ACTR3C: variants seen among roughly 807,000 people sequenced by gnomAD.
ACTR3C encodes actin related protein 3C.
A neutral mutation model predicts 26.3 loss-of-function variants in ACTR3C; 18 were observed. That is an observed-to-expected ratio of 0.68 (90% CI 0.47 to 1.01). The LOEUF is 1.01. Ranked by LOEUF, ACTR3C falls within the 50% of genes least tolerant of loss-of-function variation. The pLI is 0.00. For synonymous variants in ACTR3C, 55 were observed against 94.5 expected, an observed-to-expected ratio of 0.58 and a Z score of 2.42; for missense variants, 184 against 250.7, an observed-to-expected ratio of 0.73 and a Z score of 1.80.
At chr7:150,199,725 C>CAAAAAAAAAAAAAAAAAAA in the ACTR3C span, among the ~76,000 whole-genome samples, 1 of 86,082 alleles carries the variant, frequency 1.2e-5, no homozygotes. Context: ...ATATTTTTAT[C>CAAAAAAAAAAAAAAAAAAA]AAAAAAAAAA....
intron 1 of ACTR3C, among the ~76,000 whole-genome samples, chr7:150,303,353 A>G (rs542343353): frequency 7.4e-4 from 113 of 152,324 alleles, no homozygotes; most frequent in African/African-American, 2.6e-3. Context: ...TATTCAAGAC[A>G]CTAGAGTAGA....
At chr7:150,190,511 G>T in the ACTR3C span, among the ~76,000 whole-genome samples, 3 of 152,138 alleles carry the variant, frequency 2.0e-5, no homozygotes, top group Admixed American at 2.0e-4. Context: ...ATTTACACGT[G>T]AGTCTATAAT....
chr7:150,001,166 G>A, the ACTR3C span: 8 of 152,518 alleles, frequency 5.2e-5, no homozygotes, highest in African/African-American at 1.7e-4. Flanking sequence ...CTCTTGCTTT[G>A]GCTCTTGTCG....
At chr7:150,099,565 T>C in the ACTR3C span, among the ~76,000 whole-genome samples, 29 of 151,712 alleles carry the variant, frequency 1.9e-4, no homozygotes, top group East Asian at 2.7e-3. Flanking sequence ...GCCTCACTGC[T>C]GGGCTGATCT....
At chr7:150,180,302 A>G in the ACTR3C span, among the ~76,000 whole-genome samples, 1 of 149,962 alleles carries the variant, frequency 6.7e-6, no homozygotes. Flanking sequence ...GAGACTCCAT[A>G]TTAAAAAACA....
rs181020284 is a variant in ACTR3C at position 150,293,747 on chromosome 7, G to A, written c.46-328C>T. On this transcript the variant is annotated intron_variant, in intron 2 of 7. Transcript: ENST00000683684. ...ACCCAAGAGTTCGAGACCAGCCTGG[G>A]CAACATGGTGAAACCCCATCTCTAC... Among the ~76,000 whole-genome samples, 206 of 152,254 alleles carry A rather than the reference G, an allele frequency of 1.4e-3. 1 individual carries two copies. The highest frequency in any genetic ancestry group is 4.6e-3 in the African/African-American group (193 of 41,538).
the ACTR3C span, among the ~76,000 whole-genome samples, chr7:149,966,923 G>A: frequency 1.3e-5 from 2 of 150,900 alleles, no homozygotes; most frequent in Non-Finnish European, 1.5e-5. Flanking sequence ...GTGCAATGGC[G>A]TGATCTCGGC....
At chr7:150,202,835 T>C in the ACTR3C span, among the ~76,000 whole-genome samples, 1 of 152,212 alleles carries the variant, frequency 6.6e-6, no homozygotes, top group African/African-American at 2.4e-5. Flanking sequence ...AATGGCCACA[T>C]AGCAAAAGTA....
chr7:150,172,935 T>C, the ACTR3C span, among the ~76,000 whole-genome samples: 1 of 149,434 alleles, frequency 6.7e-6, no homozygotes, highest in Non-Finnish European at 1.5e-5. Context: ...ATGCAAGAGG[T>C]GGGTTCCCAT....
At chr7:149,918,424 C>G in the ACTR3C span, among the ~76,000 whole-genome samples, 1 of 152,226 alleles carries the variant, frequency 6.6e-6, no homozygotes, top group African/African-American at 2.4e-5. Flanking sequence ...GGCGCAGTGG[C>G]TCACACCTGT....
chr7:150,141,219 A>C, the ACTR3C span, among the ~76,000 whole-genome samples: 2 of 152,244 alleles, frequency 1.3e-5, no homozygotes, highest in African/African-American at 4.8e-5. Flanking sequence ...GAAAAAGTTC[A>C]CAATTTGGCT....
chr7:150,102,607 C>T, the ACTR3C span, among the ~76,000 whole-genome samples: 1 of 152,076 alleles, frequency 6.6e-6, no homozygotes, highest in South Asian at 2.1e-4. Context: ...TTCTCACAGT[C>T]GGTGACTCGG....
intron 1 of ACTR3C, among the ~76,000 whole-genome samples, chr7:150,310,278 G>A (rs146458344): frequency 2.6e-5 from 4 of 152,040 alleles, no homozygotes; most frequent in East Asian, 3.9e-4. Flanking sequence ...TCTGGCAACC[G>A]ACCATGCACC....
the ACTR3C span, among the ~76,000 whole-genome samples, chr7:150,161,272 T>A: frequency 7.0e-6 from 1 of 143,194 alleles, no homozygotes; most frequent in Non-Finnish European, 1.5e-5. Flanking sequence ...CATGCAGGTT[T>A]GTTACATATG....
chr7:150,299,682 T>C (rs1479122231), intron 1 of ACTR3C, among the ~76,000 whole-genome samples: 2 of 151,768 alleles, frequency 1.3e-5, no homozygotes, highest in Non-Finnish European at 2.9e-5. Flanking sequence ...GCCAGTCGGG[T>C]GGCTGAGGCA....
chr7:150,043,044 T>C, the ACTR3C span, among the ~76,000 whole-genome samples: 1 of 151,812 alleles, frequency 6.6e-6, no homozygotes, highest in Non-Finnish European at 1.5e-5. Flanking sequence ...ATCCACAGTC[T>C]ACAAAACCCC....
the ACTR3C span, among the ~76,000 whole-genome samples, chr7:150,049,190 C>G: frequency 2.6e-5 from 4 of 152,024 alleles, no homozygotes; most frequent in Non-Finnish European, 5.9e-5. Context: ...CCGCTCCAGG[C>G]CCGGCCTGGC....
At chr7:150,041,012 G>C in the ACTR3C span, among the ~76,000 whole-genome samples, 1 of 150,652 alleles carries the variant, frequency 6.6e-6, no homozygotes, top group South Asian at 2.1e-4. Flanking sequence ...TAGAGACGTA[G>C]GCTACCGGCC....
the ACTR3C span, among the ~76,000 whole-genome samples, chr7:150,120,415 C>G: frequency 9.2e-5 from 14 of 152,066 alleles, no homozygotes; most frequent in South Asian, 2.9e-3. Context: ...AACACTGATC[C>G]CACACAAAAT....
Sources: gnomAD v4.1 joint callset for allele counts (sites outside exome capture counted in the v4.1 genomes callset) on GRCh38, gnomAD v4.1.1 for gene constraint, MANE v1.5 for transcripts, NCBI Gene and HGNC (gene_info 2026-07-23, HGNC 2026-07-21) for gene names.